Variants in PIEZO1 observed in about 807,000 individuals in gnomAD.
PIEZO1 encodes the protein piezo-type mechanosensitive ion channel component 1.
In PIEZO1, 296 loss-of-function variants were observed where a neutral mutation model predicts 297.2. The observed-to-expected ratio is 1.00, with a 90% CI of 0.91 to 1.10. The LOEUF (loss-of-function observed/expected upper bound fraction) is 1.10, where lower values mean the gene tolerates loss of function less well. Among genes scored for constraint, PIEZO1 ranks in the 50% least tolerant of loss-of-function variants. The pLI is 0.00. For missense variants in PIEZO1, 5,018 were observed against 3,455.5 expected (o/e 1.45, Z -11.34); for synonymous variants, 2,427 against 1,507.5 (o/e 1.61, Z -14.13).
chr16:88,717,075 A>G lies in PIEZO1; in HGVS notation c.6608T>C (p.Val2203Ala). The change falls in exon 45 of 51, where the codon GTT (valine) becomes GCT (alanine). Residue 2203 changes from valine to alanine, a missense_variant. Val to Ala is a moderately conservative substitution (Grantham distance 64). Transcript: ENST00000301015. ...GGTGACATCGATGGGCTGGTTGACA[A>G]CCCCAACCACGGAGCGCACCAGCGA... is the stretch of plus-strand genomic sequence containing the variant. ...FMSLVRSVVG[V>A]VNQPIDVTVT... is the part of the protein sequence containing the mutation. 1.3e-6 allele frequency: 2 copies of G among 1,550,942 alleles called. No individual in the cohort carries two copies. The highest frequency in any genetic ancestry group is 1.7e-6 in the Non-Finnish European group (2 of 1,147,054).
intron 5 of PIEZO1, 82 bp from the exon 6 acceptor site, chr16:88,738,818 C>T (rs563561705): frequency 2.5e-5 from 33 of 1,305,524 alleles, no homozygotes; most frequent in East Asian, 2.0e-4. Flanking sequence ...CAGCCAGGAG[C>T]GTGGGAGGCG....
In PIEZO1 at chr16:88,734,798, C is replaced by T; in HGVS notation, c.1849G>A (p.Val617Ile). 1.3e-6 allele frequency: 2 copies of T among 1,550,318 alleles called. No individual in the cohort carries two copies. Among genetic ancestry groups the T allele is most frequent in the Non-Finnish European group, 1.7e-6 (2 of 1,146,930 alleles). Residue 617 changes from valine to isoleucine, a missense_variant and splice_region_variant, in exon 15 of 51, where the codon GTC becomes ATC. Physicochemically the swap from Val to Ile is conservative, Grantham distance 29. Transcript: ENST00000301015. The part of the protein sequence containing the change: ...LFLLCLTLFQ[V>I]YYSLWRKLLK... ...AGCTTCCGCCACAGGCTGTAGTAGACCTGCCGGGTGAGGTGGGGGTGGTGA... is the reference window on the plus strand; with the variant it reads ...AGCTTCCGCCACAGGCTGTAGTAGATCTGCCGGGTGAGGTGGGGGTGGTGA...
rs1219691041 is a variant in PIEZO1 at position 88,736,658 on chromosome 16, C to T, written c.1277G>A (p.Cys426Tyr). ...GCCTACCATCATGGCAATGAGCGCG[C>T]ACACATAGCTCTGGTCCATGATGAG... Reference protein sequence around the residue: ...GHLIMDQSYVCALIAMMVWSI... With the variant: ...GHLIMDQSYVYALIAMMVWSI... The change falls in exon 11 of 51, where the codon TGC becomes TAC. Residue 426 changes from cysteine (C) to tyrosine (Y), a missense_variant. Transcript: ENST00000301015. 2.0e-6 allele frequency: 3 copies of T among 1,532,600 alleles called. No individual in the cohort carries two copies. Among genetic ancestry groups the T allele is most frequent in the Non-Finnish European group, 2.6e-6 (3 of 1,145,676 alleles). 94.9% of individuals were successfully genotyped at this position (1,532,600 alleles called of 1,614,324 possible).
intron 2 of PIEZO1, among the ~76,000 whole-genome samples, chr16:88,747,447 C>T (rs1384890482): frequency 2.0e-5 from 3 of 151,814 alleles, no homozygotes; most frequent in African/African-American, 4.8e-5. Context: ...ACCCGCGAGG[C>T]GGAGGTTGCA....
At position 88,723,425 on chromosome 16, in the gene PIEZO1, C is replaced by T. The variant is rs552388885; in HGVS notation, c.4336-97G>A. 5.8e-6 allele frequency: 8 copies of T among 1,379,246 alleles called. No individual in the cohort carries two copies. The South Asian group carries it at 6.5e-5, about 11-fold the overall frequency. 85.4% of individuals were successfully genotyped at this position (1,379,246 alleles called of 1,614,324 possible). On this transcript the variant is annotated intron_variant, in intron 31 of 50. Transcript: ENST00000301015. ...CAAGCCGGGCGCCAGATCCAGATCCCTGCTCTGTGTCTCCCAGGGACCTCC... is the reference window on the plus strand; with the variant it reads ...CAAGCCGGGCGCCAGATCCAGATCCTTGCTCTGTGTCTCCCAGGGACCTCC...
intron 1 of PIEZO1, among the ~76,000 whole-genome samples, chr16:88,757,102 G>C (rs1432681853): frequency 6.6e-6 from 1 of 152,082 alleles, no homozygotes; most frequent in Non-Finnish European, 1.5e-5. Context: ...GGGTGGCTGG[G>C]GAGCCGCACT....
intron 2 of PIEZO1, chr16:88,743,629 G>C (rs1386802097): frequency 2.2e-6 from 1 of 456,608 alleles, no homozygotes; most frequent in South Asian, 1.5e-5. Context: ...ACAGACTCGG[G>C]ATTGGCCTTG....
chr16:88,742,197 A>G, intron 3 of PIEZO1, 102 bp from the exon 4 acceptor site: 1 of 1,504,180 alleles, frequency 6.6e-7, no homozygotes, highest in Non-Finnish European at 8.9e-7. Context: ...GGCCAGACAT[A>G]AATCAGGCTG....
chr16:88,751,396 C>T (rs1280908895), intron 1 of PIEZO1, among the ~76,000 whole-genome samples: 1 of 152,238 alleles, frequency 6.6e-6, no homozygotes, highest in African/African-American at 2.4e-5. Context: ...CCTTCCCACT[C>T]TCAACAGCTT....
chr16:88,735,758 C>T (rs1905167385), intron 12 of PIEZO1, among the ~76,000 whole-genome samples: 1 of 152,266 alleles, frequency 6.6e-6, no homozygotes, highest in African/African-American at 2.4e-5. Context: ...TCACTGAGAC[C>T]CAGGGCTGTG....
At position 88,719,820 on chromosome 16, in the gene PIEZO1, T is replaced by C; in HGVS notation, c.6305A>G (p.Asn2102Ser). The part of the protein sequence containing the change: ...NFLTKKYNHL[N>S]LFLFQGFRLV... ...CACTCACCCCTGGAAGAGGAAGAGG[T>C]TGAGATGATTGTACTTCTTGGTGAG... The change falls in exon 43 of 51, where the codon AAC (asparagine) becomes AGC (serine). Residue 2102 changes from asparagine to serine, a missense_variant. Physicochemically the swap from Asn to Ser is conservative, Grantham distance 46. Transcript: ENST00000301015. 6.5e-7 allele frequency: 1 copy of C among 1,550,070 alleles called. No homozygotes were observed. The highest frequency in any genetic ancestry group is 8.7e-7 in the Non-Finnish European group (1 of 1,146,806).
chr16:88,734,700 G>T lies in PIEZO1; in HGVS notation c.1947C>A (p.Phe649Leu). 6.5e-7 allele frequency: 1 copy of T among 1,550,358 alleles called. No individual in the cohort carries two copies. Among genetic ancestry groups the T allele is most frequent in the Non-Finnish European group, 8.7e-7 (1 of 1,146,948 alleles). ...LVLIAVYTFQ[F>L]QDFPAYWRNL... ...TGCGCCAGTAGGCAGGGAAGTCCTG[G>T]AACTGGAAGGTGTAGACGGCGATGA... Residue 649 changes from phenylalanine (F) to leucine (L), a missense_variant, in exon 15 of 51, where the codon TTC becomes TTA. Coordinates refer to ENST00000301015, the MANE Select transcript of PIEZO1 (RefSeq NM_001142864.4).
Position 88,721,391 on chromosome 16 carries a change from T to C in PIEZO1, c.5443A>G (p.Lys1815Glu). 6.5e-7 allele frequency: 1 copy of C among 1,549,776 alleles called. No homozygotes were observed. The highest frequency in any genetic ancestry group is 2.0e-5 in the Admixed American group (1 of 50,962). ...LWDHEEDSPS[K>E]EHDKSGEEEQ... ...TCCTCGCCGCTCTTGTCATGCTCCT[T>C]GGATGGTGAGTCCTCCTCATGGTCC... The change falls in exon 39 of 51, where the codon AAG becomes GAG. Residue 1815 changes from lysine (K) to glutamate (E), a missense_variant. Lys to Glu is a moderately conservative substitution (Grantham distance 56). Transcript: ENST00000301015.
chr16:88,756,186 G>A (rs114430029), intron 1 of PIEZO1, among the ~76,000 whole-genome samples: 2,079 of 152,282 alleles, frequency 0.014, 43 homozygotes, highest in African/African-American at 0.047. Context: ...CACTCCTCAC[G>A]GGCACCAGGC....
intron 16 of PIEZO1, 71 bp from the exon 17 acceptor site, chr16:88,734,125 C>G (rs1044627190): frequency 1.2e-5 from 18 of 1,455,120 alleles, no homozygotes; most frequent in African/African-American, 4.3e-5. Context: ...CTGGAAGAAG[C>G]CCTGTCGGCA....
intron 1 of PIEZO1, among the ~76,000 whole-genome samples, chr16:88,781,644 C>G (rs996072242): frequency 6.6e-6 from 1 of 152,260 alleles, no homozygotes; most frequent in African/African-American, 2.4e-5. Flanking sequence ...CCAGCACCCT[C>G]GGATGGGACA....
At chr16:88,729,942 A>G (rs544433414) in intron 22 of PIEZO1, among the ~76,000 whole-genome samples, 45 of 152,292 alleles carry the variant, frequency 3.0e-4, no homozygotes, top group Admixed American at 4.6e-4. Flanking sequence ...GATGTTGGGG[A>G]ACCCAGGACA....
chr16:88,778,100 G>C (rs561716043), intron 1 of PIEZO1, among the ~76,000 whole-genome samples: 6 of 152,346 alleles, frequency 3.9e-5, no homozygotes, highest in African/African-American at 1.4e-4. Flanking sequence ...ACGGGAGGGA[G>C]GGCGGACAAA....
chr16:88,731,959 A>ATGCACTGAGTCTGGGGGT (rs1482630762), intron 21 of PIEZO1, 49 bp from the exon 22 acceptor site: 1 of 63,334 alleles, frequency 1.6e-5, no homozygotes. Context: ...GTCTGGGGGG[A>ATGCACTGAGTCTGGGGGT]GGGACTTTCT....
Sources: allele counts gnomAD v4.1 joint callset (sites outside exome capture counted in the v4.1 genomes callset), GRCh38; gene constraint gnomAD v4.1.1; transcripts MANE v1.5; gene names NCBI Gene and HGNC (gene_info 2026-07-23, HGNC 2026-07-21).